The following KLHDC4 variants were observed in gnomAD, a reference collection of about 807,000 sequenced individuals.
KLHDC4 encodes kelch domain containing 4, also known as kelch domain-containing protein 4.
A neutral mutation model predicts 62.4 loss-of-function variants in KLHDC4; 90 were observed. That is an observed-to-expected ratio of 1.44 (90% CI 1.22 to 1.72). The LOEUF is 1.72. KLHDC4 is among the 40% of genes most tolerant of loss of function. KLHDC4 has a pLI of 0.00. For missense variants in KLHDC4, 1,025 were observed against 699.7 expected, an observed-to-expected ratio of 1.47 and a Z score of -5.25; for synonymous variants, 386 against 284.4, an observed-to-expected ratio of 1.36 and a Z score of -3.59.
intron 4 of KLHDC4, among the ~76,000 whole-genome samples, chr16:87,751,519 T>C (rs1277000638): frequency 6.6e-6 from 1 of 151,482 alleles, no homozygotes; most frequent in African/African-American, 2.4e-5. Context: ...AGAGAAAACA[T>C]GCAGAAAATA....
At chr16:87,761,926 T>C (rs750968088) in intron 2 of KLHDC4, 23 bp downstream of exon 2, 48 of 1,608,216 alleles carry the variant, frequency 3.0e-5, no homozygotes, top group Non-Finnish European at 3.4e-5. Context: ...AAACATACAA[T>C]ATGAAAAATG....
At chr16:87,699,777 G>A (rs1236034071) in exon 1 of KLHDC4, 2 of 152,258 alleles carry the variant, frequency 1.3e-5, no homozygotes, top group Non-Finnish European at 2.9e-5. Context: ...CCCAAGCCAG[G>A]CCATGGGCCA....
intron 7 of KLHDC4, among the ~76,000 whole-genome samples, chr16:87,720,847 T>C (rs376380004): frequency 2.0e-5 from 3 of 152,224 alleles, no homozygotes; most frequent in African/African-American, 7.2e-5. Flanking sequence ...TTGGGGACAC[T>C]GCTGTCGCGA....
chr16:87,727,100 T>C (rs2039500343), intron 6 of KLHDC4, among the ~76,000 whole-genome samples, 176 bp from the exon 7 acceptor site: 1 of 152,180 alleles, frequency 6.6e-6, no homozygotes, highest in Non-Finnish European at 1.5e-5. Flanking sequence ...GTGGCCGCTT[T>C]CCCTGCAACG....
chr16:87,715,766 C>T (rs1413437915), intron 7 of KLHDC4, among the ~76,000 whole-genome samples: 5 of 152,210 alleles, frequency 3.3e-5, no homozygotes, highest in African/African-American at 7.2e-5. Context: ...TGACATCGAC[C>T]GCCTGGCTGA....
chr16:87,765,304 C>G (rs777173080), intron 1 of KLHDC4: 6 of 456,184 alleles, frequency 1.3e-5, no homozygotes, highest in Non-Finnish European at 2.6e-5. Flanking sequence ...CCATCTGCTG[C>G]TCACTGCTCA....
At chr16:87,744,898 T>C (rs1191397456) in intron 5 of KLHDC4, among the ~76,000 whole-genome samples, 1 of 152,092 alleles carries the variant, frequency 6.6e-6, no homozygotes, top group Non-Finnish European at 1.5e-5. Context: ...CTCACACGCA[T>C]GCAGTCACAC....
At chr16:87,704,307 G>C (rs941325840), downstream of KLHDC4, among the ~76,000 whole-genome samples, 1 of 141,624 alleles carries the variant, frequency 7.1e-6, no homozygotes, top group African/African-American at 2.6e-5. Flanking sequence ...TGAACCACAC[G>C]GGGAAGGAGG....
intron 2 of KLHDC4, among the ~76,000 whole-genome samples, chr16:87,760,621 A>AC (rs1238760906): frequency 6.6e-6 from 1 of 151,310 alleles, no homozygotes; most frequent in Admixed American, 6.6e-5. Flanking sequence ...AAAAAAAAAA[A>AC]AAAAAGTCTC....
downstream of KLHDC4, among the ~76,000 whole-genome samples, chr16:87,706,975 C>T (rs890435969): frequency 3.9e-5 from 6 of 152,240 alleles, no homozygotes; most frequent in South Asian, 4.1e-4. Context: ...GGAAGTCTCC[C>T]CACCACCCTT....
chr16:87,718,978 C>G (rs999189435), intron 7 of KLHDC4, among the ~76,000 whole-genome samples: 1 of 150,918 alleles, frequency 6.6e-6, no homozygotes, highest in African/African-American at 2.4e-5. Context: ...GTGAGGAGCC[C>G]CTCCGCCCGG....
chr16:87,747,524 G>C (rs2043215740), intron 5 of KLHDC4: 1 of 152,204 alleles, frequency 6.6e-6, no homozygotes, highest in South Asian at 2.1e-4. Context: ...GCAAGCATGA[G>C]AAAAGGGACG....
chr16:87,735,801 C>T (rs576639480), intron 5 of KLHDC4, among the ~76,000 whole-genome samples: 5 of 152,168 alleles, frequency 3.3e-5, no homozygotes, highest in African/African-American at 9.7e-5. Context: ...GTCGTGGTGG[C>T]GGCTGCCTCG....
intron 4 of KLHDC4, among the ~76,000 whole-genome samples, chr16:87,749,629 A>G (rs77470213): frequency 0.21 from 32,214 of 151,362 alleles, 3,642 homozygotes; most frequent in South Asian, 0.31. Context: ...TATTGCCCAG[A>G]CTGGAGTGCG....
At position 87,761,260 on chromosome 16, in the gene KLHDC4, C is replaced by G. The variant is rs767623661; in HGVS notation, c.191+689G>C. Among the ~76,000 whole-genome samples, 10 of 152,176 alleles carry G rather than the reference C, an allele frequency of 6.6e-5. 1 individual carries two copies. The highest frequency in any genetic ancestry group is 5.9e-4 in the Admixed American group (9 of 15,272). ...GTGATGATAACCCTGCCTCTGAGGC[C>G]GGTGGGTGGGACTCGGGCACCAGAG... is the stretch of plus-strand genomic sequence containing the variant. On this transcript the variant is annotated intron_variant, in intron 2 of 11. Transcript: ENST00000270583.
At chr16:87,751,889 T>A (rs904505006) in intron 4 of KLHDC4, among the ~76,000 whole-genome samples, 1 of 150,876 alleles carries the variant, frequency 6.6e-6, no homozygotes, top group Non-Finnish European at 1.5e-5. Context: ...CTGGCTAACA[T>A]GGTGAAACCC....
chr16:87,712,803 G>A (rs546620523), intron 8 of KLHDC4, among the ~76,000 whole-genome samples: 2 of 152,348 alleles, frequency 1.3e-5, no homozygotes, highest in African/African-American at 2.4e-5. Context: ...CTCTCCTGGG[G>A]AGGCTGGAGA....
At chr16:87,698,203 C>T (rs555369267) in exon 1 of KLHDC4, 11 of 152,422 alleles carry the variant, frequency 7.2e-5, no homozygotes, top group East Asian at 1.9e-4. Flanking sequence ...TGTTCCTTCT[C>T]GCCGCCTGGT....
chr16:87,752,230 G>C (rs905210173), intron 4 of KLHDC4, among the ~76,000 whole-genome samples: 2 of 146,820 alleles, frequency 1.4e-5, no homozygotes, highest in African/African-American at 2.5e-5. Context: ...AATATAGCGA[G>C]ACCCGTTCTC....
Sources: gnomAD v4.1 joint callset for allele counts (sites outside exome capture counted in the v4.1 genomes callset) on GRCh38, gnomAD v4.1.1 for gene constraint, MANE v1.5 for transcripts, NCBI Gene and HGNC (gene_info 2026-07-23, HGNC 2026-07-21) for gene names.